NDST3: variants seen among roughly 807,000 people sequenced by gnomAD.
NDST3 encodes the protein bifunctional heparan sulfate N-deacetylase/N-sulfotransferase 3.
A neutral mutation model predicts 96.1 loss-of-function variants in NDST3; 58 were observed. The ratio of observed to expected loss-of-function variants is 0.60; its 90% confidence interval spans 0.49 to 0.75. The LOEUF (loss-of-function observed/expected upper bound fraction) is 0.75, where lower values mean the gene tolerates loss of function less well. NDST3 is among the 30% of genes least tolerant of loss of function. The probability of loss-of-function intolerance (pLI) is 0.00; values close to 1 mark genes in which losing one functional copy is unlikely to be tolerated. For synonymous variants in NDST3, 333 were observed against 359.7 expected (o/e 0.93, Z 0.84); for missense variants, 788 against 1,034.2 (o/e 0.76, Z 3.27).
At chr4:118,251,125 A>ATTTTTTTTTTTTTTTTTTTTTTTTT (rs370800744) in intron 12 of NDST3, among the ~76,000 whole-genome samples, 1 of 111,740 alleles carries the variant, frequency 8.9e-6, no homozygotes, top group South Asian at 2.9e-4. Context: ...TATTATTTTT[A>ATTTTTTTTTTTTTTTTTTTTTTTTT]TTTTATTTTT....
At chr4:118,210,174 T>C (rs1738690765) in intron 6 of NDST3, among the ~76,000 whole-genome samples, 1 of 152,008 alleles carries the variant, frequency 6.6e-6, no homozygotes, top group South Asian at 2.1e-4. Context: ...CCACCCTCTA[T>C]CCACGGGAGA....
At chr4:118,220,499 A>ATCCATATACAT (rs1479865094) in intron 6 of NDST3, among the ~76,000 whole-genome samples, 6 of 151,930 alleles carry the variant, frequency 3.9e-5, no homozygotes, top group African/African-American at 1.4e-4. Flanking sequence ...TAGCTAATGT[A>ATCCATATACAT]TATGGGGCTT....
At chr4:118,245,194 C>T (rs1401878865) in intron 12 of NDST3, among the ~76,000 whole-genome samples, 1 of 152,126 alleles carries the variant, frequency 6.6e-6, no homozygotes, top group Non-Finnish European at 1.5e-5. Flanking sequence ...GCCATGAATA[C>T]ATCTGTTCAC....
rs535929894 is a variant in NDST3 at position 118,073,218 on chromosome 4, A to G, written c.981+18327A>G. 4.6e-5 allele frequency among the ~76,000 whole-genome samples: 7 copies of G among 152,144 alleles called. No individual in the cohort carries two copies. The South Asian group carries it at 1.5e-3, about 32-fold the overall frequency. ...TACTGTATCTCTGCCAGGTTTTGGT[A>G]TCAGAATGATGCTGATCTCATAAGA... On this transcript the variant is annotated intron_variant, in intron 2 of 13. Transcript: ENST00000296499.
intron 6 of NDST3, among the ~76,000 whole-genome samples, chr4:118,168,139 A>T (rs1400296533): frequency 6.6e-6 from 1 of 152,000 alleles, no homozygotes; most frequent in Non-Finnish European, 1.5e-5. Flanking sequence ...CAACCTATGG[A>T]ATGGGAGAAA....
chr4:118,088,094 A>AT (rs1347568666), intron 2 of NDST3, among the ~76,000 whole-genome samples: 1 of 152,046 alleles, frequency 6.6e-6, no homozygotes, highest in Non-Finnish European at 1.5e-5. Context: ...ACTAACTTGA[A>AT]TTTTTTGTGA....
intron 6 of NDST3, among the ~76,000 whole-genome samples, chr4:118,190,220 A>C (rs1737219673): frequency 6.6e-6 from 1 of 152,098 alleles, no homozygotes; most frequent in Non-Finnish European, 1.5e-5. Flanking sequence ...GAACTGTTTT[A>C]TATCAGTATT....
intron 6 of NDST3, chr4:118,194,323 C>T (rs1287650973): frequency 2.7e-6 from 2 of 734,286 alleles, no homozygotes; most frequent in South Asian, 1.4e-5. Context: ...CCATCTTCTT[C>T]TTCCGTCAGA....
intron 2 of NDST3, among the ~76,000 whole-genome samples, chr4:118,088,740 G>A (rs1301244092): frequency 6.6e-6 from 1 of 152,000 alleles, no homozygotes; most frequent in Admixed American, 6.6e-5. Flanking sequence ...AAGCCAGTGT[G>A]CGTATTTTCA....
rs1734200828 is a variant in NDST3 at position 118,149,275 on chromosome 4, T to C, written c.1539+5591T>C. ...TTCCATATGAACTTTAAAGTAGTTT[T>C]TTCCAATTCTGTGAAGAAAGTCATT... On this transcript the variant is annotated intron_variant, in intron 6 of 13. Transcript: ENST00000296499. 2.0e-5 allele frequency among the ~76,000 whole-genome samples: 3 copies of C among 151,710 alleles called. No homozygotes were observed. In the South Asian group the frequency reaches 6.2e-4, roughly 32 times the overall value.
At chr4:118,162,839 A>G (rs1242715204) in intron 6 of NDST3, among the ~76,000 whole-genome samples, 137 of 149,064 alleles carry the variant, frequency 9.2e-4, no homozygotes, top group Non-Finnish European at 1.8e-3. Context: ...GAAAATTTTC[A>G]CAACCTACTC....
intron 3 of NDST3, among the ~76,000 whole-genome samples, chr4:118,113,007 A>C (rs990234204): frequency 1.3e-5 from 2 of 152,154 alleles, no homozygotes; most frequent in Admixed American, 6.5e-5. Flanking sequence ...GGAAAAAAAA[A>C]CTCAAGGAGC....
intron 6 of NDST3, among the ~76,000 whole-genome samples, chr4:118,195,588 T>C (rs1737626277): frequency 6.6e-6 from 1 of 152,222 alleles, no homozygotes; most frequent in Non-Finnish European, 1.5e-5. Flanking sequence ...CAGACTAATA[T>C]GCTACATATC....
In NDST3 at chr4:118,054,302, T is replaced by C; in HGVS notation, c.392T>C (p.Ile131Thr). ...AAAATGAAAGGCAAATACATTCTCA[T>C]TATTTATGAGAATATTTTAAAGTAT... is the stretch of plus-strand genomic sequence containing the variant. ...IDKMKGKYIL[I>T]IYENILKYIN... Residue 131 changes from isoleucine (I) to threonine (T), a missense_variant, in exon 2 of 14, where the codon ATT becomes ACT. Around this residue, in one of 3 missense-constraint regions of NDST3, gnomAD observed 234 missense variants for 256.9 expected, o/e 0.91. Transcript: ENST00000296499. 6.2e-7 allele frequency: 1 copy of C among 1,611,392 alleles called. No individual in the cohort carries two copies. The highest frequency in any genetic ancestry group is 8.5e-7 in the Non-Finnish European group (1 of 1,178,634).
chr4:118,108,441 T>C (rs911017008), intron 3 of NDST3, among the ~76,000 whole-genome samples: 2 of 152,352 alleles, frequency 1.3e-5, no homozygotes, highest in Non-Finnish European at 2.9e-5. Context: ...GCAAATGCTT[T>C]TCAAATTTTT....
At chr4:118,161,149 T>A (rs138735363) in intron 6 of NDST3, among the ~76,000 whole-genome samples, 1 of 152,222 alleles carries the variant, frequency 6.6e-6, no homozygotes, top group South Asian at 2.1e-4. Flanking sequence ...AGACCCTGTT[T>A]GCCTGCGTAT....
At chr4:118,069,475 G>C (rs1316696972) in intron 2 of NDST3, among the ~76,000 whole-genome samples, 1 of 151,722 alleles carries the variant, frequency 6.6e-6, no homozygotes, top group Admixed American at 6.6e-5. Flanking sequence ...GCCCTGTTTG[G>C]GGTTTTTTTG....
chr4:118,059,124 A>C (rs933674733), intron 2 of NDST3, among the ~76,000 whole-genome samples: 9 of 152,044 alleles, frequency 5.9e-5, no homozygotes, highest in Non-Finnish European at 1.5e-5. Flanking sequence ...CATTCCTTTC[A>C]AACTTTGAGA....
At chr4:118,100,250 G>A (rs144785830) in intron 2 of NDST3, among the ~76,000 whole-genome samples, 1 of 151,986 alleles carries the variant, frequency 6.6e-6, no homozygotes, top group East Asian at 1.9e-4. Flanking sequence ...CTTGAGCTGA[G>A]GCATCCATCT....
Sources: gnomAD v4.1 joint callset for allele counts (sites outside exome capture counted in the v4.1 genomes callset) on GRCh38, gnomAD v4.1.1 for gene constraint, gnomAD v4.1.1 regional missense constraint, MANE v1.5 for transcripts, NCBI Gene and HGNC (gene_info 2026-07-23, HGNC 2026-07-21) for gene names.